Variants in ADAMTS3 observed in about 807,000 individuals in gnomAD.
ADAMTS3 encodes the protein ADAM metallopeptidase with thrombospondin type 1 motif 3.
In ADAMTS3, 73 loss-of-function variants were observed where a neutral mutation model predicts 129.0. That is an observed-to-expected ratio of 0.57 (90% CI 0.47 to 0.69). The LOEUF (loss-of-function observed/expected upper bound fraction) is 0.69. Ranked by LOEUF, ADAMTS3 falls within the 30% of genes least tolerant of loss-of-function variation. The pLI is 0.00. For missense variants in ADAMTS3, 1,457 were observed against 1,514.5 expected, an observed-to-expected ratio of 0.96 and a Z score of 0.63; for synonymous variants, 477 against 510.8, an observed-to-expected ratio of 0.93 and a Z score of 0.89.
At chr4:72,339,089 T>C (rs1396461409) in intron 5 of ADAMTS3, among the ~76,000 whole-genome samples, 1 of 152,194 alleles carries the variant, frequency 6.6e-6, no homozygotes, top group South Asian at 2.1e-4. Flanking sequence ...AATCATTCTA[T>C]ATCATCCTGT....
intron 4 of ADAMTS3, among the ~76,000 whole-genome samples, chr4:72,394,921 C>T (rs1397869081): frequency 6.6e-6 from 1 of 150,392 alleles, no homozygotes; most frequent in Non-Finnish European, 1.5e-5. Flanking sequence ...CATATACGCA[C>T]ATTTGGCTTT....
intron 14 of ADAMTS3, among the ~76,000 whole-genome samples, chr4:72,310,505 A>G (rs1719203199): frequency 6.6e-6 from 1 of 152,096 alleles, no homozygotes; most frequent in Admixed American, 6.6e-5. Context: ...ATAATTTCAT[A>G]TCGATTTAAC....
intron 15 of ADAMTS3, among the ~76,000 whole-genome samples, chr4:72,306,928 C>A (rs1719103098): frequency 1.3e-5 from 2 of 151,728 alleles, no homozygotes; most frequent in Non-Finnish European, 2.9e-5. Flanking sequence ...AGATTATGAC[C>A]ATAAATCATA....
At chr4:72,462,356 T>C (rs1326012509) in intron 3 of ADAMTS3, among the ~76,000 whole-genome samples, 4 of 152,020 alleles carry the variant, frequency 2.6e-5, no homozygotes, top group Admixed American at 2.6e-4. Context: ...GTTTTTGTGC[T>C]GTTAGTTCTA....
intron 3 of ADAMTS3, among the ~76,000 whole-genome samples, chr4:72,518,681 A>C (rs925480594): frequency 6.6e-6 from 1 of 151,280 alleles, no homozygotes; most frequent in Non-Finnish European, 1.5e-5. Context: ...TTTGTTTTCC[A>C]TTTGCTTGGC....
intron 3 of ADAMTS3, among the ~76,000 whole-genome samples, chr4:72,503,714 G>T (rs1031752853): frequency 7.9e-5 from 12 of 152,150 alleles, no homozygotes; most frequent in African/African-American, 2.7e-4. Flanking sequence ...AAATCCCTCA[G>T]TATTATTGTG....
chr4:72,464,519 T>C (rs2109987215), intron 3 of ADAMTS3, among the ~76,000 whole-genome samples: 1 of 152,122 alleles, frequency 6.6e-6, no homozygotes, highest in South Asian at 2.1e-4. Flanking sequence ...TACAGAAAAC[T>C]ATAAATTTTT....
At chr4:72,284,306 G>T (rs1029581932) in intron 21 of ADAMTS3, among the ~76,000 whole-genome samples, 1 of 151,952 alleles carries the variant, frequency 6.6e-6, no homozygotes, top group Admixed American at 6.6e-5. Context: ...TTAGCCAGGC[G>T]CGGTGGCAGG....
chr4:72,504,447 T>C (rs146038265), intron 3 of ADAMTS3, among the ~76,000 whole-genome samples: 4 of 152,316 alleles, frequency 2.6e-5, no homozygotes, highest in Non-Finnish European at 5.9e-5. Flanking sequence ...GTTAGCCCAA[T>C]AGAGTTCCTT....
At chr4:72,516,344 T>C (rs1720479232) in intron 3 of ADAMTS3, among the ~76,000 whole-genome samples, 1 of 152,156 alleles carries the variant, frequency 6.6e-6, no homozygotes, top group Non-Finnish European at 1.5e-5. Flanking sequence ...CATATGAACT[T>C]TCAAGTAGTT....
At position 72,512,487 on chromosome 4, in the gene ADAMTS3, G is replaced by A. The variant is rs181099274; in HGVS notation, c.504+35991C>T. Among the ~76,000 whole-genome samples, 425 of 152,144 alleles carry A rather than the reference G, an allele frequency of 2.8e-3. 1 individual carries two copies. Among genetic ancestry groups the A allele is most frequent in the African/African-American group, 9.3e-3 (386 of 41,506 alleles). On this transcript the variant is annotated intron_variant, in intron 3 of 21. Coordinates refer to ENST00000286657, the MANE Select transcript of ADAMTS3 (RefSeq NM_014243.3). ...AGCCTGGGCAACAGAGCAAGACTCC[G>A]TCTCAAAAATAAATGAATAAATAAA... is the stretch of plus-strand genomic sequence containing the variant.
chr4:72,310,114 T>C (rs779524419), intron 14 of ADAMTS3, among the ~76,000 whole-genome samples: 1 of 152,062 alleles, frequency 6.6e-6, no homozygotes, highest in Non-Finnish European at 1.5e-5. Context: ...TAGTGTTTCA[T>C]GATAAGGAAA....
In ADAMTS3 at chr4:72,540,523, G is replaced by A. The variant is rs563326995; in HGVS notation, c.504+7955C>T. On this transcript the variant is annotated intron_variant, in intron 3 of 21. Transcript: ENST00000286657. ...TTGCATAAATAACAAGGAGCCAAAT[G>A]TTAATCCCCAAGACTATGGGGAAAA... Among the ~76,000 whole-genome samples, 16 of 152,314 alleles carry A rather than the reference G, an allele frequency of 1.1e-4. No homozygotes were observed. In the East Asian group the frequency reaches 2.9e-3, roughly 28 times the overall value.
chr4:72,462,578 A>G (rs1718800155), intron 3 of ADAMTS3, among the ~76,000 whole-genome samples: 1 of 151,882 alleles, frequency 6.6e-6, no homozygotes, highest in African/African-American at 2.4e-5. Flanking sequence ...AAAATTTCCT[A>G]TCACCCTGTG....
Position 72,292,232 on chromosome 4 carries a change from T to G in ADAMTS3, c.2724-1170A>C, listed in dbSNP as rs542729605. On this transcript the variant is annotated intron_variant, in intron 19 of 21. Transcript: ENST00000286657. ...CTATTATACATAGTTAAAAATCTGG[T>G]TCACATTCTACAGAGGATACACCTC... is the stretch of plus-strand genomic sequence containing the variant. Among the ~76,000 whole-genome samples the G allele has an allele frequency of 3.9e-5, 6 of 152,364 alleles. No individual in the cohort carries two copies. In the East Asian group the frequency reaches 1.2e-3, roughly 29 times the overall value.
intron 4 of ADAMTS3, among the ~76,000 whole-genome samples, chr4:72,348,026 T>C (rs190892577): frequency 6.6e-6 from 1 of 152,066 alleles, no homozygotes; most frequent in South Asian, 2.1e-4. Context: ...TTAATAAAAA[T>C]GTAAATAAGT....
intron 3 of ADAMTS3, among the ~76,000 whole-genome samples, chr4:72,431,443 G>A (rs578025172): frequency 2.0e-5 from 3 of 152,078 alleles, no homozygotes; most frequent in African/African-American, 7.2e-5. Flanking sequence ...AACTTTTTGA[G>A]CACTGACATG....
intron 3 of ADAMTS3, among the ~76,000 whole-genome samples, chr4:72,444,943 C>A (rs1315516539): frequency 6.6e-6 from 1 of 151,586 alleles, no homozygotes; most frequent in Non-Finnish European, 1.5e-5. Context: ...AAACCAGTAG[C>A]AAAACCCACA....
chr4:72,508,240 C>T (rs1188179259), intron 3 of ADAMTS3, among the ~76,000 whole-genome samples: 2 of 152,146 alleles, frequency 1.3e-5, no homozygotes, highest in Non-Finnish European at 2.9e-5. Context: ...TGGGGTGTTA[C>T]ATTTGTCTCA....
Sources: gnomAD v4.1 joint callset for allele counts (sites outside exome capture counted in the v4.1 genomes callset) on GRCh38, gnomAD v4.1.1 for gene constraint, MANE v1.5 for transcripts, NCBI Gene and HGNC (gene_info 2026-07-23, HGNC 2026-07-21) for gene names.